Variants in SPMIP2 observed in about 807,000 individuals in gnomAD.
SPMIP2 encodes the protein protein SPMIP2.
the SPMIP2 span, among the ~76,000 whole-genome samples, chr4:158,998,465 CT>C: frequency 6.6e-6 from 1 of 152,132 alleles, no homozygotes; most frequent in Non-Finnish European, 1.5e-5. Context: ...AAAGAACGTA[CT>C]TTTTATTTGT....
chr4:158,910,488 G>A, the SPMIP2 span, among the ~76,000 whole-genome samples: 1 of 151,792 alleles, frequency 6.6e-6, no homozygotes, highest in African/African-American at 2.4e-5. Context: ...GGTCAGGCTG[G>A]TCTTGAACTC....
chr4:158,915,376 T>C, the SPMIP2 span: 1 of 1,593,934 alleles, frequency 6.3e-7, no homozygotes, highest in African/African-American at 1.3e-5. Flanking sequence ...TAGGAACAAA[T>C]TGGTTCTGAA....
chr4:158,964,414 C>G, the SPMIP2 span, among the ~76,000 whole-genome samples: 2 of 152,154 alleles, frequency 1.3e-5, no homozygotes, highest in African/African-American at 4.8e-5. Flanking sequence ...GAGTGGAGAG[C>G]CCAGTCATGC....
the SPMIP2 span, among the ~76,000 whole-genome samples, chr4:159,030,141 G>A: frequency 4.6e-5 from 7 of 152,100 alleles, no homozygotes; most frequent in Non-Finnish European, 7.4e-5. Context: ...GGCTGGGTGC[G>A]GTGGCTCATG....
chr4:158,981,352 A>C, the SPMIP2 span, among the ~76,000 whole-genome samples: 1 of 152,206 alleles, frequency 6.6e-6, no homozygotes, highest in Non-Finnish European at 1.5e-5. Context: ...GGAAATACAG[A>C]GAACACCATA....
At chr4:159,016,779 G>T in the SPMIP2 span, among the ~76,000 whole-genome samples, 1 of 152,206 alleles carries the variant, frequency 6.6e-6, no homozygotes, top group Non-Finnish European at 1.5e-5. Context: ...CCGCAGCTGG[G>T]CCACTGGAGA....
chr4:158,960,400 C>T, the SPMIP2 span: 1 of 996,836 alleles, frequency 1.0e-6, no homozygotes. Flanking sequence ...GGTGGCCGGT[C>T]TAAGTATCCA....
the SPMIP2 span, among the ~76,000 whole-genome samples, chr4:159,070,980 T>C: frequency 6.6e-6 from 1 of 152,212 alleles, no homozygotes; most frequent in African/African-American, 2.4e-5. Context: ...TGATGAGCAC[T>C]ATTGGCAACA....
At chr4:158,999,827 C>T in the SPMIP2 span, among the ~76,000 whole-genome samples, 2 of 152,128 alleles carry the variant, frequency 1.3e-5, no homozygotes, top group East Asian at 3.8e-4. Flanking sequence ...ATTTCTTTAT[C>T]TGAATATTCT....
the SPMIP2 span, among the ~76,000 whole-genome samples, chr4:159,020,377 T>C: frequency 4.6e-5 from 7 of 152,204 alleles, no homozygotes; most frequent in African/African-American, 1.7e-4. Flanking sequence ...TTGTCATCCC[T>C]TTTAATGAAC....
the SPMIP2 span, among the ~76,000 whole-genome samples, chr4:158,908,727 C>T: frequency 1.3e-5 from 2 of 152,178 alleles, no homozygotes; most frequent in African/African-American, 4.8e-5. Flanking sequence ...GCTCTTATTG[C>T]CCAAGCTGGA....
At chr4:158,954,877 C>T in the SPMIP2 span, among the ~76,000 whole-genome samples, 7 of 152,118 alleles carry the variant, frequency 4.6e-5, no homozygotes, top group African/African-American at 1.4e-4. Context: ...CCTGCCAATT[C>T]GTTGTTTGCT....
At chr4:159,020,641 A>T in the SPMIP2 span, among the ~76,000 whole-genome samples, 2 of 152,186 alleles carry the variant, frequency 1.3e-5, no homozygotes, top group Non-Finnish European at 2.9e-5. Flanking sequence ...GCTTTAACAG[A>T]TGGTCCTTAA....
At chr4:159,070,667 A>G in the SPMIP2 span, among the ~76,000 whole-genome samples, 1 of 152,206 alleles carries the variant, frequency 6.6e-6, no homozygotes, top group Non-Finnish European at 1.5e-5. Flanking sequence ...CATAAGTCTT[A>G]TTAGATTGTC....
chr4:158,945,388 A>G, the SPMIP2 span, among the ~76,000 whole-genome samples: 2 of 152,198 alleles, frequency 1.3e-5, no homozygotes, highest in African/African-American at 4.8e-5. Context: ...GTTTGATGGA[A>G]AGGACCATGC....
chr4:158,970,937 T>C, the SPMIP2 span, among the ~76,000 whole-genome samples: 1 of 152,142 alleles, frequency 6.6e-6, no homozygotes, highest in Non-Finnish European at 1.5e-5. Context: ...CACTGTGAGA[T>C]TGGTTCACAA....
chr4:159,075,322 T>C, the SPMIP2 span, among the ~76,000 whole-genome samples: 11 of 152,306 alleles, frequency 7.2e-5, 1 homozygote, highest in Non-Finnish European at 8.8e-5. Context: ...TATACATAAA[T>C]ATGTCAATGA....
At chr4:158,893,473 G>A in the SPMIP2 span, 2 of 495,712 alleles carry the variant, frequency 4.0e-6, no homozygotes, top group South Asian at 3.5e-5. Flanking sequence ...CTATTAGTAT[G>A]ATAGTCAATA....
chr4:159,052,962 T>G, the SPMIP2 span, among the ~76,000 whole-genome samples: 1 of 141,212 alleles, frequency 7.1e-6, no homozygotes, highest in Non-Finnish European at 1.5e-5. Context: ...ATTATTTTTT[T>G]TTTTTTTTTT....
Sources: gnomAD v4.1 joint callset for allele counts (sites outside exome capture counted in the v4.1 genomes callset) on GRCh38, gnomAD v4.1.1 for gene constraint, MANE v1.5 for transcripts, NCBI Gene and HGNC (gene_info 2026-07-23, HGNC 2026-07-21) for gene names.